Variants in MACROD2 observed in about 807,000 individuals in gnomAD.
MACROD2 encodes mono-ADP ribosylhydrolase 2.
A neutral mutation model predicts 70.4 loss-of-function variants in MACROD2; 36 were observed. The observed-to-expected ratio is 0.51, with a 90% confidence interval of 0.39 to 0.68. The LOEUF is 0.68. Among genes scored for constraint, MACROD2 ranks in the 30% least tolerant of loss-of-function variants. MACROD2 has a pLI of 0.00. For missense variants in MACROD2, 496 were observed against 538.4 expected (o/e 0.92, Z 0.78); for synonymous variants, 172 against 178.8 (o/e 0.96, Z 0.30).
chr20:15,112,335 C>T (rs1253210739), intron 5 of MACROD2, among the ~76,000 whole-genome samples: 1 of 152,104 alleles, frequency 6.6e-6, no homozygotes, highest in South Asian at 2.1e-4. Flanking sequence ...TTTAAAGAGG[C>T]TGAGAAATTT....
chr20:14,035,730 A>G (rs1051799926), intron 2 of MACROD2, among the ~76,000 whole-genome samples: 5 of 152,236 alleles, frequency 3.3e-5, no homozygotes, highest in African/African-American at 9.6e-5. Flanking sequence ...AGTAAAGCCT[A>G]TTCAAACCTT....
intron 5 of MACROD2, among the ~76,000 whole-genome samples, chr20:14,978,591 G>T (rs2048209495): frequency 6.6e-6 from 1 of 151,342 alleles, no homozygotes; most frequent in Non-Finnish European, 1.5e-5. Flanking sequence ...ACCTTAAAAG[G>T]TTATTTAAAG....
chr20:14,786,205 A>G (rs1447530493), intron 5 of MACROD2, among the ~76,000 whole-genome samples: 4 of 28,470 alleles, frequency 1.4e-4, no homozygotes, highest in Non-Finnish European at 3.0e-4. Context: ...AGAGAAAGAT[A>G]GAGAGAGAGA....
chr20:14,307,322 G>A (rs952472702), intron 3 of MACROD2, among the ~76,000 whole-genome samples: 3 of 152,088 alleles, frequency 2.0e-5, no homozygotes, highest in Admixed American at 2.0e-4. Context: ...CTCATAACAT[G>A]GATAGGTGAG....
At chr20:15,784,395 A>T (rs530282814) in intron 8 of MACROD2, among the ~76,000 whole-genome samples, 1 of 152,142 alleles carries the variant, frequency 6.6e-6, no homozygotes, top group African/African-American at 2.4e-5. Flanking sequence ...TTGAAGCCAG[A>T]TGCCCCAACA....
At position 14,940,645 on chromosome 20, in the gene MACROD2, A is replaced by G. The variant is rs188475116; in HGVS notation, c.418+255686A>G. Among the ~76,000 whole-genome samples the G allele has an allele frequency of 6.2e-5, 9 of 145,352 alleles. No individual in the cohort carries two copies. The East Asian group carries it at 1.6e-3, about 25-fold the overall frequency. ...TTTCTAAAATGCTTTTTCAGCATGTATCAAAATGATCATTTTTTTCCCTTG... is the reference window on the plus strand; with the variant it reads ...TTTCTAAAATGCTTTTTCAGCATGTGTCAAAATGATCATTTTTTTCCCTTG... On this transcript the variant is annotated intron_variant, in intron 5 of 17. Coordinates refer to ENST00000684519, the MANE Select transcript of MACROD2 (RefSeq NM_001351661.2).
chr20:15,955,972 A>G (rs1440804472), intron 12 of MACROD2, among the ~76,000 whole-genome samples: 1 of 151,388 alleles, frequency 6.6e-6, no homozygotes, highest in Non-Finnish European at 1.5e-5. Context: ...AAGTTGAAGG[A>G]AAAAAAAACT....
intron 6 of MACROD2, among the ~76,000 whole-genome samples, chr20:15,284,313 C>T (rs758421409): frequency 3.9e-5 from 6 of 152,096 alleles, no homozygotes; most frequent in East Asian, 1.9e-4. Flanking sequence ...TTAAATATCT[C>T]GTCTGTCCAT....
At chr20:14,404,169 G>C (rs2083667823) in intron 3 of MACROD2, among the ~76,000 whole-genome samples, 1 of 152,154 alleles carries the variant, frequency 6.6e-6, no homozygotes, top group Non-Finnish European at 1.5e-5. Flanking sequence ...ACATGAAAGA[G>C]AGATTAAGGT....
At chr20:15,423,166 A>G (rs1166851892) in intron 6 of MACROD2, among the ~76,000 whole-genome samples, 3 of 152,210 alleles carry the variant, frequency 2.0e-5, no homozygotes, top group Non-Finnish European at 4.4e-5. Context: ...GTAATGTGCA[A>G]TAGTAAGCAT....
chr20:15,150,275 C>T (rs182298831), intron 5 of MACROD2, among the ~76,000 whole-genome samples: 83 of 151,760 alleles, frequency 5.5e-4, no homozygotes, highest in African/African-American at 1.8e-3. Flanking sequence ...GAGGCTGGGA[C>T]GAGGGGTGTA....
chr20:14,668,272 A>G, intron 4 of MACROD2, among the ~76,000 whole-genome samples: 1 of 152,202 alleles, frequency 6.6e-6, no homozygotes, highest in East Asian at 1.9e-4. Context: ...TAGAGAGGGA[A>G]CAAATAGATT....
At chr20:15,174,665 G>A (rs1331968500) in intron 5 of MACROD2, among the ~76,000 whole-genome samples, 1 of 152,196 alleles carries the variant, frequency 6.6e-6, no homozygotes, top group Non-Finnish European at 1.5e-5. Flanking sequence ...TCCAGCACCT[G>A]TTGTGTCCTG....
intron 5 of MACROD2, among the ~76,000 whole-genome samples, chr20:15,049,633 A>G (rs1257743094): frequency 6.6e-6 from 1 of 152,130 alleles, no homozygotes; most frequent in Non-Finnish European, 1.5e-5. Flanking sequence ...ACAGGCACAG[A>G]GTTTTAACGT....
chr20:15,201,368 T>C (rs2076654624), intron 5 of MACROD2, among the ~76,000 whole-genome samples: 1 of 152,194 alleles, frequency 6.6e-6, no homozygotes, highest in Non-Finnish European at 1.5e-5. Context: ...CCATGTCTCC[T>C]CTAACATTCG....
In MACROD2 at chr20:14,327,469, G is replaced by A. The variant is rs766102590; in HGVS notation, c.272-166010G>A. 7 of 1,613,124 alleles carry A rather than the reference G, an allele frequency of 4.3e-6. No homozygotes were observed. The African/African-American group carries it at 8.0e-5, about 18-fold the overall frequency. On this transcript the variant is annotated intron_variant, in intron 3 of 17. Transcript: ENST00000684519. ...TACTTGAAGGAACAGCCCAATTTTA[G>A]TCCCGATGAGGAAGATGCTCCAGGC...
intron 6 of MACROD2, among the ~76,000 whole-genome samples, chr20:15,378,257 A>T (rs181524110): frequency 8.3e-4 from 124 of 150,044 alleles, no homozygotes; most frequent in African/African-American, 2.9e-3. Flanking sequence ...TCTAACTATA[A>T]CTCAAAATCC....
At chr20:15,184,889 C>A (rs1029198160) in intron 5 of MACROD2, among the ~76,000 whole-genome samples, 23 of 152,064 alleles carry the variant, frequency 1.5e-4, no homozygotes, top group African/African-American at 5.6e-4. Flanking sequence ...TATTGTTGGC[C>A]CTAGAGACAA....
intron 5 of MACROD2, among the ~76,000 whole-genome samples, chr20:15,088,643 A>G (rs1361466466): frequency 6.6e-6 from 1 of 151,590 alleles, no homozygotes; most frequent in Non-Finnish European, 1.5e-5. Flanking sequence ...TTACATGGGG[A>G]CTTGACTGGA....
Sources: gnomAD v4.1 joint callset for allele counts (sites outside exome capture counted in the v4.1 genomes callset) on GRCh38, gnomAD v4.1.1 for gene constraint, MANE v1.5 for transcripts, NCBI Gene and HGNC (gene_info 2026-07-23, HGNC 2026-07-21) for gene names.